The following GALNT2 variants were observed in gnomAD, a reference collection of about 807,000 sequenced individuals.
The protein encoded by GALNT2 is polypeptide N-acetylgalactosaminyltransferase 2.
A neutral mutation model predicts 81.4 loss-of-function variants in GALNT2; 31 were observed. The ratio of observed to expected loss-of-function variants is 0.38; its 90% CI spans 0.29 to 0.51. The LOEUF is 0.51. Ranked by LOEUF, GALNT2 falls within the 20% of genes least tolerant of loss-of-function variation. The pLI, the probability that GALNT2 is intolerant of heterozygous loss-of-function variation, is 0.87. For synonymous variants in GALNT2, 303 were observed against 287.4 expected (o/e 1.05, Z -0.55); for missense variants, 629 against 765.7 (o/e 0.82, Z 2.11).
chr1:230,274,374 C>G, intron 14 of GALNT2, 71 bp from the exon 15 acceptor site: 1 of 1,565,954 alleles, frequency 6.4e-7, no homozygotes. Flanking sequence ...TTTGAGCCCT[C>G]ATCGATGCCC....
rs576772585 is a variant in GALNT2 at position 230,187,949 on chromosome 1, T to G, written c.220+9638T>G. ...GTTTTTATGGGTACAAGATGGAGGG[T>G]GGGGCGGGCCGGGGTGGTTTTGGAA... On this transcript the variant is annotated intron_variant, in intron 2 of 15. Transcript: ENST00000366672. Among the ~76,000 whole-genome samples the G allele has an allele frequency of 6.9e-3, 565 of 81,428 alleles. 2 individuals are homozygous for G. The highest frequency in any genetic ancestry group is 9.4e-3 in the Non-Finnish European group (390 of 41,566). 53.4% of individuals were successfully genotyped at this position (81,428 alleles called of 152,430 possible).
At chr1:230,110,413 C>T (rs1282168892) in intron 1 of GALNT2, among the ~76,000 whole-genome samples, 1 of 152,192 alleles carries the variant, frequency 6.6e-6, no homozygotes, top group Non-Finnish European at 1.5e-5. Context: ...ACTACTGTCA[C>T]ATGAGGACAG....
intron 1 of GALNT2, among the ~76,000 whole-genome samples, chr1:230,088,094 CTTTA>C (rs1277570114): frequency 1.3e-5 from 2 of 151,894 alleles, no homozygotes; most frequent in African/African-American, 2.4e-5. Context: ...AATGTTTTTG[CTTTA>C]TTTAACAATT....
intron 1 of GALNT2, among the ~76,000 whole-genome samples, chr1:230,175,856 GT>G (rs1188849246): frequency 1.3e-5 from 2 of 151,774 alleles, no homozygotes; most frequent in East Asian, 1.9e-4. Flanking sequence ...TTATAATTTA[GT>G]TTAAATCGAG....
intron 9 of GALNT2, 68 bp downstream of exon 9, chr1:230,249,339 C>T (rs993509192): frequency 4.8e-5 from 67 of 1,407,692 alleles, no homozygotes; most frequent in Non-Finnish European, 6.6e-5. Flanking sequence ...CTTTGCTGGG[C>T]CCGCACCGCC....
intron 1 of GALNT2, among the ~76,000 whole-genome samples, chr1:230,094,608 A>G (rs1660190845): frequency 6.6e-6 from 1 of 152,230 alleles, no homozygotes; most frequent in Admixed American, 6.5e-5. Flanking sequence ...ACTGCACTCC[A>G]GCCTGGGCAA....
At position 230,281,625 on chromosome 1, in the gene GALNT2, C is replaced by T. The variant is rs1043909; in HGVS notation, c.*2167C>T. 26,642 of 152,692 alleles carry T rather than the reference C, an allele frequency of 0.17. 2,813 individuals are homozygous for T. The highest frequency in any genetic ancestry group is 0.35 in the East Asian group (1,794 of 5,158). The allele number at this position is 152,692 out of a possible 1,614,324, so 9.5% of individuals were successfully genotyped here. On this transcript the variant is annotated 3_prime_UTR_variant, in exon 16 of 16. Transcript: ENST00000366672. ...AGGCCCTCTCAGCCTTCCTATCATC[C>T]CACGTGTCTACCCAGACCCTTGTGC...
chr1:230,077,503 G>A (rs1352209144), intron 1 of GALNT2, among the ~76,000 whole-genome samples: 1 of 152,084 alleles, frequency 6.6e-6, no homozygotes, highest in African/African-American at 2.4e-5. Context: ...CTTATCAGTT[G>A]GCATTCTTAT....
chr1:230,173,244 G>A (rs900340309), intron 1 of GALNT2, among the ~76,000 whole-genome samples: 17 of 152,154 alleles, frequency 1.1e-4, no homozygotes, highest in African/African-American at 3.4e-4. Flanking sequence ...CAGAGGCTGC[G>A]TGTGGATGCA....
At position 230,228,487 on chromosome 1, in the gene GALNT2, GC is replaced by G. The variant is rs1664779776; in HGVS notation, c.375-7526del. Among the ~76,000 whole-genome samples, 3 of 152,172 alleles carry G rather than the reference GC, an allele frequency of 2.0e-5. No individual in the cohort carries two copies. The East Asian group carries it at 5.8e-4, about 30-fold the overall frequency. On this transcript the variant is annotated intron_variant, in intron 3 of 15. Coordinates refer to ENST00000366672, the MANE Select transcript of GALNT2 (RefSeq NM_004481.5). ...ACATAAATAAGTGTTTGGCGTGACAGCAGTGGCGTTACTCATCAGTGATGAA... is the reference window on the plus strand; with the variant it reads ...ACATAAATAAGTGTTTGGCGTGACAGAGTGGCGTTACTCATCAGTGATGAA...
rs755786457 is a variant in GALNT2 at position 230,135,546 on chromosome 1, G to A, written c.127-42672G>A. Among the ~76,000 whole-genome samples, 146 of 152,334 alleles carry A rather than the reference G, an allele frequency of 9.6e-4. No individual in the cohort carries two copies. The Middle Eastern group carries it at 0.014, about 14-fold the overall frequency. ...TGTGTGGAAATCACACGGCGGGGAG[G>A]TGGAGGCACAAAATGATCTTAATGA... On this transcript the variant is annotated intron_variant, in intron 1 of 15. Transcript: ENST00000366672.
At chr1:230,133,486 G>A (rs200126830) in intron 1 of GALNT2, among the ~76,000 whole-genome samples, 2 of 145,604 alleles carry the variant, frequency 1.4e-5, no homozygotes, top group African/African-American at 2.6e-5. Flanking sequence ...TCACTCTGTC[G>A]ACCAGGCTGG....
rs1205125542 is a variant in GALNT2 at position 230,275,490 on chromosome 1, T to C, written c.1560+926T>C. ...TACAAACACCACATATATATACATA[T>C]ACACACACACACCACAGATACATAC... On this transcript the variant is annotated intron_variant, in intron 15 of 15. Transcript: ENST00000366672. This position sits in a 1 kb window ranked among gnomAD's most constrained non-coding sequence, Gnocchi z 5.5. 1.3e-5 allele frequency among the ~76,000 whole-genome samples: 2 copies of C among 150,536 alleles called. No homozygotes were observed. Among genetic ancestry groups the C allele is most frequent in the Non-Finnish European group, 3.0e-5 (2 of 67,568 alleles).
At chr1:230,227,321 A>G (rs1173839102) in intron 3 of GALNT2, among the ~76,000 whole-genome samples, 2 of 152,048 alleles carry the variant, frequency 1.3e-5, no homozygotes, top group African/African-American at 4.8e-5. Flanking sequence ...TATTTCCTTC[A>G]GTAGTATCTA....
intron 1 of GALNT2, among the ~76,000 whole-genome samples, chr1:230,110,697 C>A (rs1021922992): frequency 6.9e-6 from 1 of 145,354 alleles, no homozygotes; most frequent in African/African-American, 2.6e-5. Flanking sequence ...GAGGGTCTCT[C>A]TCAGCTGTGC....
rs549175715 is a variant in GALNT2, at chr1:230,153,839, T to C, written c.127-24379T>C. 1.4e-3 allele frequency among the ~76,000 whole-genome samples: 214 copies of C among 152,316 alleles called. 1 individual carries two copies. Among genetic ancestry groups the C allele is most frequent in the African/African-American group, 4.9e-3 (204 of 41,564 alleles). On this transcript the variant is annotated intron_variant, in intron 1 of 15. Transcript: ENST00000366672. ...CTGGTTGGTGGCACTCACCATTCAC[T>C]CTGTGGAGGGGTCTGGTGGAACTGA... is the stretch of plus-strand genomic sequence containing the variant.
At position 230,188,052 on chromosome 1, in the gene GALNT2, G is replaced by A. The variant is rs562051437; in HGVS notation, c.220+9741G>A. Among the ~76,000 whole-genome samples the A allele has an allele frequency of 1.3e-4, 20 of 152,176 alleles. No individual in the cohort carries two copies. The East Asian group carries it at 2.1e-3, about 16-fold the overall frequency. On this transcript the variant is annotated intron_variant, in intron 2 of 15. Coordinates refer to ENST00000366672, the MANE Select transcript of GALNT2 (RefSeq NM_004481.5). ...ACGGTTCCAGGCTTGAGGGTGTGGC[G>A]TTTGCTAGGGACCACTCTCTCCTAC...
chr1:230,202,651 G>A (rs965880537), intron 2 of GALNT2, among the ~76,000 whole-genome samples: 2 of 152,182 alleles, frequency 1.3e-5, no homozygotes, highest in African/African-American at 4.8e-5. Context: ...TCACCAAAGG[G>A]TATTTTGATA....
intron 1 of GALNT2, among the ~76,000 whole-genome samples, chr1:230,171,759 A>G (rs182305339): frequency 4.5e-4 from 68 of 152,332 alleles, no homozygotes; most frequent in Non-Finnish European, 8.2e-4. Context: ...TATGTATGTA[A>G]GCATGTTTAT....
Sources: gnomAD v4.1 joint callset for allele counts (sites outside exome capture counted in the v4.1 genomes callset) on GRCh38, gnomAD v4.1.1 for gene constraint, Gnocchi (gnomAD v3.1) non-coding constraint, MANE v1.5 for transcripts, NCBI Gene and HGNC (gene_info 2026-07-23, HGNC 2026-07-21) for gene names.